Variants in APPL2 observed in about 807,000 individuals in gnomAD.
APPL2 encodes DCC-interacting protein 13-beta.
Under a neutral mutation model 92.7 loss-of-function variants are expected in APPL2, and 84 were observed. The ratio of observed to expected loss-of-function variants is 0.91; its 90% CI spans 0.76 to 1.09. The LOEUF (loss-of-function observed/expected upper bound fraction) is 1.09. Ranked by LOEUF, APPL2 falls within the 50% of genes least tolerant of loss-of-function variation. The pLI is 0.00. For missense variants in APPL2, 736 were observed against 824.5 expected, an observed-to-expected ratio of 0.89 and a Z score of 1.31; for synonymous variants, 291 against 291.0, an observed-to-expected ratio of 1.00 and a Z score of 0.00.
chr12:105,229,497 G>T, intron 1 of APPL2: 1 of 995,162 alleles, frequency 1.0e-6, no homozygotes, highest in Non-Finnish European at 1.3e-6. Flanking sequence ...ATGACTGAAG[G>T]GCTATTATCT....
At chr12:105,181,187 C>T (rs1372160460) in intron 17 of APPL2, among the ~76,000 whole-genome samples, 3 of 152,138 alleles carry the variant, frequency 2.0e-5, no homozygotes, top group East Asian at 1.9e-4. Flanking sequence ...TGAATTTTAT[C>T]GAAGGCCTTT....
chr12:105,177,155 G>T (rs1486555269), intron 18 of APPL2, 71 bp downstream of exon 18: 1 of 1,598,176 alleles, frequency 6.3e-7, no homozygotes, highest in African/African-American at 1.3e-5. Context: ...AAGTGCCTAG[G>T]CTGTGTTTAA....
Position 105,173,668 on chromosome 12 carries a change from G to C in APPL2, c.*646C>G, listed in dbSNP as rs77173345. On this transcript the variant is annotated 3_prime_UTR_variant, in exon 21 of 21. Transcript: ENST00000258530. Reference sequence around the variant, plus strand: ...AACTTCTGAATGCTGGTTCAGTAAGGCTCCACTGTAAAATCAAACATCTTT... The same window carrying C: ...AACTTCTGAATGCTGGTTCAGTAAGCCTCCACTGTAAAATCAAACATCTTT... 0.018 allele frequency: 2,732 copies of C among 152,654 alleles called. 45 individuals are homozygous for C. The highest frequency in any genetic ancestry group is 0.028 in the South Asian group (135 of 4,818). The allele number at this position is 152,654 out of a possible 1,614,324, so 9.5% of individuals were successfully genotyped here.
At chr12:105,233,493 C>T in intron 1 of APPL2, 1 of 708,378 alleles carries the variant, frequency 1.4e-6, no homozygotes, top group Non-Finnish European at 1.7e-6. Context: ...CTTCCTGGGT[C>T]ACTCAGTTCA....
intron 2 of APPL2, among the ~76,000 whole-genome samples, chr12:105,227,654 C>A (rs2136085053): frequency 6.6e-6 from 1 of 152,298 alleles, no homozygotes; most frequent in Non-Finnish European, 1.5e-5. Flanking sequence ...TCAAGTACAG[C>A]TGCTTCTTTC....
chr12:105,203,251 A>AGGTT (rs1888384756), intron 9 of APPL2, among the ~76,000 whole-genome samples: 2 of 152,212 alleles, frequency 1.3e-5, no homozygotes, highest in Non-Finnish European at 2.9e-5. Context: ...CAACTACTGA[A>AGGTT]GACAGTGATG....
At chr12:105,190,273 C>T in intron 14 of APPL2, 118 bp from the exon 15 acceptor site, 1 of 1,098,656 alleles carries the variant, frequency 9.1e-7, no homozygotes, top group Non-Finnish European at 1.3e-6. Flanking sequence ...TGACCTCAAT[C>T]CCTTAATCCA....
chr12:105,186,699 C>CATATCAT (rs1555248130), intron 17 of APPL2, among the ~76,000 whole-genome samples: 45 of 134,546 alleles, frequency 3.3e-4, no homozygotes, highest in East Asian at 8.2e-4. Context: ...TATCATATAT[C>CATATCAT]ATATCATATA....
chr12:105,212,871 G>C (rs1889343487), intron 4 of APPL2, among the ~76,000 whole-genome samples: 1 of 152,182 alleles, frequency 6.6e-6, no homozygotes, highest in Non-Finnish European at 1.5e-5. Context: ...CATTTGCCAG[G>C]CAAGGAAGCA....
intron 17 of APPL2, among the ~76,000 whole-genome samples, chr12:105,186,699 C>CATATATAT (rs145976697): frequency 7.4e-6 from 1 of 134,570 alleles, no homozygotes; most frequent in African/African-American, 3.1e-5. Flanking sequence ...TATCATATAT[C>CATATATAT]ATATCATATA....
intron 9 of APPL2, 91 bp from the exon 10 acceptor site, chr12:105,199,622 A>T: frequency 7.1e-7 from 1 of 1,412,658 alleles, no homozygotes; most frequent in Admixed American, 2.1e-5. Flanking sequence ...CACCCCCGCA[A>T]AGCTTCCGGC....
chr12:105,186,651 G>GAT (rs1886686144), intron 17 of APPL2, among the ~76,000 whole-genome samples: 1 of 83,922 alleles, frequency 1.2e-5, no homozygotes, highest in Admixed American at 1.5e-4. Flanking sequence ...ATATGATATC[G>GAT]ATATCATATA....
Position 105,188,503 on chromosome 12 carries a change from T to G in APPL2, c.1460-56A>C, listed in dbSNP as rs147119491. On this transcript the variant is annotated intron_variant, in intron 16 of 20. Transcript: ENST00000258530. ...CATTTACTTCCTGCTGCTGTTGATCTGCATACCAGGGTCAGATGTGCTAGT... is the reference window on the plus strand; with the variant it reads ...CATTTACTTCCTGCTGCTGTTGATCGGCATACCAGGGTCAGATGTGCTAGT... The G allele has an allele frequency of 2.4e-4, 384 of 1,585,192 alleles. 1 individual carries two copies. In the African/African-American group the frequency reaches 4.7e-3, roughly 19 times the overall value.
At chr12:105,233,878 A>T (rs1162972112) in intron 1 of APPL2, among the ~76,000 whole-genome samples, 1 of 152,252 alleles carries the variant, frequency 6.6e-6, no homozygotes, top group African/African-American at 2.4e-5. Context: ...TCCCTGGCAC[A>T]TAAAATCCAT....
At chr12:105,210,987 G>GCTA (rs915604724) in intron 5 of APPL2, among the ~76,000 whole-genome samples, 2 of 152,108 alleles carry the variant, frequency 1.3e-5, no homozygotes. Context: ...TCTCTGTCCT[G>GCTA]CTACCCTCAG....
intron 1 of APPL2, chr12:105,233,380 G>A: frequency 1.0e-6 from 1 of 985,472 alleles, no homozygotes; most frequent in Non-Finnish European, 1.2e-6. Context: ...AATAACGCAT[G>A]TGTATGCACA....
At chr12:105,175,578 C>A (rs1016347237) in intron 20 of APPL2, among the ~76,000 whole-genome samples, 2 of 152,174 alleles carry the variant, frequency 1.3e-5, no homozygotes, top group Non-Finnish European at 2.9e-5. Flanking sequence ...TTCAATTACA[C>A]AAACTAGGCT....
intron 2 of APPL2, among the ~76,000 whole-genome samples, chr12:105,225,735 A>G (rs964724895): frequency 3.9e-5 from 6 of 152,246 alleles, no homozygotes; most frequent in African/African-American, 1.4e-4. Flanking sequence ...CTTAGAGCCT[A>G]TAGTTTCATT....
rs868780209 is a variant in APPL2 at position 105,189,886 on chromosome 12, TGAACTG to T, written c.1407-68_1407-63del. 26 of 1,611,702 alleles carry T rather than the reference TGAACTG, an allele frequency of 1.6e-5. No homozygotes were observed. In the African/African-American group the frequency reaches 2.9e-4, roughly 18 times the overall value. On this transcript the variant is annotated intron_variant, in intron 15 of 20. Coordinates refer to ENST00000258530, the MANE Select transcript of APPL2 (RefSeq NM_018171.5). ...TGCAGCTAGAAGGGCACTTAACACT[TGAACTG>T]GAAATCAGAATGGCAACAGTCTTTG...
Sources: allele counts gnomAD v4.1 joint callset (sites outside exome capture counted in the v4.1 genomes callset), GRCh38; gene constraint gnomAD v4.1.1; transcripts MANE v1.5; gene names NCBI Gene and HGNC (gene_info 2026-07-23, HGNC 2026-07-21).